Variants in GPR153 observed in about 807,000 individuals in gnomAD.
GPR153 encodes the protein G protein-coupled receptor 153, also known as probable G protein-coupled receptor 153.
A neutral mutation model predicts 34.1 loss-of-function variants in GPR153; 27 were observed. The ratio of observed to expected loss-of-function variants is 0.79; its 90% CI spans 0.58 to 1.09. The LOEUF is 1.09. Ranked by LOEUF, GPR153 falls within the 50% of genes least tolerant of loss-of-function variation. The probability of loss-of-function intolerance (pLI) is 0.00; values close to 1 mark genes in which losing one functional copy is unlikely to be tolerated. For synonymous variants in GPR153, 408 were observed against 405.4 expected, an observed-to-expected ratio of 1.01 and a Z score of -0.08; for missense variants, 848 against 860.2, an observed-to-expected ratio of 0.99 and a Z score of 0.18.
Position 6,251,677 on chromosome 1 carries a change from G to T in GPR153, c.787-147C>A. 1.1e-6 allele frequency: 1 copy of T among 945,674 alleles called. No individual in the cohort carries two copies. Among genetic ancestry groups the T allele is most frequent in the East Asian group, 2.7e-5 (1 of 36,656 alleles). The allele number at this position is 945,674 out of a possible 1,614,324, so 58.6% of individuals were successfully genotyped here. A position where few individuals can be genotyped will look rare whatever the true frequency, so the allele number is the denominator to read the frequency against. ...GGGGCCCTTGGGGAGAAAAGAGCTG[G>T]AGCGTGGCAGTGGGAGGCCCCGCCT... On this transcript the variant is annotated intron_variant, in intron 3 of 5. Coordinates refer to ENST00000377893, the MANE Select transcript of GPR153 (RefSeq NM_207370.4). This position sits in a 1 kb window ranked among gnomAD's most constrained non-coding sequence, Gnocchi z 4.9.
Position 6,249,882 on chromosome 1 carries a change from AGCACCAGGT to A in GPR153, c.1277_1285del (p.His426_Val428del). On this transcript the variant is annotated inframe_deletion, in exon 6 of 6. Coordinates refer to ENST00000377893, the MANE Select transcript of GPR153 (RefSeq NM_207370.4). This position sits in a 1 kb window ranked among gnomAD's most constrained non-coding sequence, Gnocchi z 4.3. ...GCGGCGCCGCTCGGGCCCGGCAGGC[AGCACCAGGT>A]GCGCCAGGGCGGCCAGGTCCTCGCC... 7.7e-7 allele frequency: 1 copy of A among 1,291,292 alleles called. No homozygotes were observed. Among genetic ancestry groups the A allele is most frequent in the Non-Finnish European group, 9.8e-7 (1 of 1,015,690 alleles). 80.0% of individuals were successfully genotyped at this position (1,291,292 alleles called of 1,614,324 possible). A position where few individuals can be genotyped will look rare whatever the true frequency, so the allele number is the denominator to read the frequency against.
chr1:6,251,613 G>A lies in GPR153; in HGVS notation c.787-83C>T. ...CCCCTGAGTCTCGGTCTCCCCATGT[G>A]TACGGCAGGTCTGACAGGTGGGTAT... On this transcript the variant is annotated intron_variant, in intron 3 of 5. Transcript: ENST00000377893. This position sits in a 1 kb window ranked among gnomAD's most constrained non-coding sequence, Gnocchi z 4.9. The A allele has an allele frequency of 7.2e-7, 1 of 1,392,822 alleles. No homozygotes were observed. Among genetic ancestry groups the A allele is most frequent in the Non-Finnish European group, 9.5e-7 (1 of 1,051,204 alleles). The allele number at this position is 1,392,822 out of a possible 1,614,324, so 86.3% of individuals were successfully genotyped here. A position where few individuals can be genotyped will look rare whatever the true frequency, so the allele number is the denominator to read the frequency against.
intron 1 of GPR153, among the ~76,000 whole-genome samples, chr1:6,257,788 G>C (rs1160941387): frequency 6.6e-6 from 1 of 152,238 alleles, no homozygotes; most frequent in African/African-American, 2.4e-5. Flanking sequence ...CTGCCAGAGG[G>C]CTGGGCAGCG....
intron 5 of GPR153, 112 bp from the exon 6 acceptor site, chr1:6,250,115 TG>T: frequency 7.6e-7 from 1 of 1,310,658 alleles, no homozygotes; most frequent in South Asian, 2.7e-5. Flanking sequence ...GGCTGCGCGC[TG>T]GGGCAGTCTG....
Position 6,248,019 on chromosome 1 carries a change from GCT to G in GPR153, c.*1317_*1318del, listed in dbSNP as rs1311363230. ...GCCAGAAGGAACTGGGCACAGGCAG[GCT>G]CTATGCTCACCTTGGAATTACCCCA... On this transcript the variant is annotated 3_prime_UTR_variant, in exon 6 of 6. Coordinates refer to ENST00000377893, the MANE Select transcript of GPR153 (RefSeq NM_207370.4). The G allele has an allele frequency of 6.6e-6, 1 of 152,406 alleles. No individual in the cohort carries two copies. Among genetic ancestry groups the G allele is most frequent in the Non-Finnish European group, 1.5e-5 (1 of 68,184 alleles). The allele number at this position is 152,406 out of a possible 1,614,324, so 9.4% of individuals were successfully genotyped here.
chr1:6,249,950 GA>G lies in GPR153; in HGVS notation c.1217del (p.Val406AlafsTer100). 7.8e-7 allele frequency: 1 copy of G among 1,283,190 alleles called. No homozygotes were observed. Among genetic ancestry groups the G allele is most frequent in the African/African-American group, 1.5e-5 (1 of 64,684 alleles). 79.5% of individuals were successfully genotyped at this position (1,283,190 alleles called of 1,614,324 possible). A position where few individuals can be genotyped will look rare whatever the true frequency, so the allele number is the denominator to read the frequency against. On this transcript the variant is annotated frameshift_variant, in exon 6 of 6. Coordinates refer to ENST00000377893, the MANE Select transcript of GPR153 (RefSeq NM_207370.4). LOFTEE classifies it low-confidence loss of function (END_TRUNC). This position sits in a 1 kb window ranked among gnomAD's most constrained non-coding sequence, Gnocchi z 4.3. ...AGCGCGGCAGGAAGGCGGGCAGCGGGACGGCGGCCCACACGTCCGCATCGTC... is the reference window on the plus strand; with the variant it reads ...AGCGCGGCAGGAAGGCGGGCAGCGGGCGGCGGCCCACACGTCCGCATCGTC... ...SHDDADVWAAVPLPAFLPRWG... is the reference protein window; with the variant it reads ...SHDDADVWAAXPLPAFLPRWG...
chr1:6,259,496 C>CTTTT (rs1421936164), intron 1 of GPR153, among the ~76,000 whole-genome samples: 3 of 92,404 alleles, frequency 3.2e-5, no homozygotes, highest in African/African-American at 1.2e-4. Flanking sequence ...GGGAAAAGGG[C>CTTTT]ATTTTTTTTT....
Position 6,249,176 on chromosome 1 carries a change from C to A in GPR153, c.*162G>T. ...GGCAGCCGTCGCCCCTGGGACAAGG[C>A]CAGCTGGGAGGAGCCGGAAGACAAA... is the stretch of plus-strand genomic sequence containing the variant. On this transcript the variant is annotated 3_prime_UTR_variant, in exon 6 of 6. Transcript: ENST00000377893. The surrounding 1 kb of genome is among the most constrained non-coding windows in gnomAD (Gnocchi z 4.3). The A allele has an allele frequency of 3.9e-6, 2 of 509,406 alleles. No homozygotes were observed. The highest frequency in any genetic ancestry group is 3.0e-6 in the Non-Finnish European group (1 of 330,788). 31.6% of individuals were successfully genotyped at this position (509,406 alleles called of 1,614,324 possible). A position where few individuals can be genotyped will look rare whatever the true frequency, so the allele number is the denominator to read the frequency against.
Position 6,249,957 on chromosome 1 carries a change from G to T in GPR153, c.1211C>A (p.Ala404Asp). 7.8e-7 allele frequency: 1 copy of T among 1,284,130 alleles called. No homozygotes were observed. The highest frequency in any genetic ancestry group is 9.9e-7 in the Non-Finnish European group (1 of 1,010,408). 79.5% of individuals were successfully genotyped at this position (1,284,130 alleles called of 1,614,324 possible). ...RFSHDDADVW[A>D]AVPLPAFLPR... ...CAGGAAGGCGGGCAGCGGGACGGCG[G>T]CCCACACGTCCGCATCGTCGTGGGA... Residue 404 changes from alanine to aspartate, a missense_variant, in exon 6 of 6, where the codon GCC (alanine) becomes GAC (aspartate). Ala to Asp is a moderately radical substitution (Grantham distance 126). Transcript: ENST00000377893. The surrounding 1 kb of genome is among the most constrained non-coding windows in gnomAD (Gnocchi z 4.3).
At chr1:6,258,222 G>C (rs1432226953) in intron 1 of GPR153, among the ~76,000 whole-genome samples, 1 of 151,964 alleles carries the variant, frequency 6.6e-6, no homozygotes, top group Non-Finnish European at 1.5e-5. Context: ...CCGCCTCCTG[G>C]GTTCAAACAA....
chr1:6,250,497 G>GC lies in GPR153; in HGVS notation c.1106dup (p.Leu370ProfsTer101). 1 of 1,610,374 alleles carries GC rather than the reference G, an allele frequency of 6.2e-7. No homozygotes were observed. Among genetic ancestry groups the GC allele is most frequent in the Non-Finnish European group, 8.5e-7 (1 of 1,178,774 alleles). On this transcript the variant is annotated frameshift_variant, in exon 5 of 6. Coordinates refer to ENST00000377893, the MANE Select transcript of GPR153 (RefSeq NM_207370.4). LOFTEE classifies it high-confidence loss of function. Reference sequence around the variant, plus strand: ...GCCGCAGTGGGTAGAGCTGGGGCAGGCCCCCCTCCAGGGCGGAGATCTCAT... The same window carrying GC: ...GCCGCAGTGGGTAGAGCTGGGGCAGGCCCCCCCTCCAGGGCGGAGATCTCAT...
chr1:6,252,592 C>T (rs1027579784), intron 3 of GPR153, among the ~76,000 whole-genome samples: 1 of 152,190 alleles, frequency 6.6e-6, no homozygotes, highest in Non-Finnish European at 1.5e-5. Flanking sequence ...CTGAGCAAGG[C>T]CCTGACTCTG....
At chr1:6,253,587 G>T in intron 3 of GPR153, 131 bp downstream of exon 3, 2 of 874,400 alleles carry the variant, frequency 2.3e-6, no homozygotes, top group Non-Finnish European at 1.7e-6. Flanking sequence ...TTCCAAATCT[G>T]GAAAATGGGG....
Position 6,254,644 on chromosome 1 carries a change from A to T in GPR153, c.262T>A (p.Ser88Thr), listed in dbSNP as rs763933315. Reference sequence around the variant, plus strand: ...GCCAGGGTGAGGGTGTAGAAGGTGGACACGAAGACCTTGCAGAGACCCTCA... The same window carrying T: ...GCCAGGGTGAGGGTGTAGAAGGTGGTCACGAAGACCTTGCAGAGACCCTCA... ...WNEGLCKVFV[S>T]TFYTLTLATC... The change falls in exon 2 of 6, where the codon TCC becomes ACC. Residue 88 changes from serine (S) to threonine (T), a missense_variant. Ser to Thr is a moderately conservative substitution (Grantham distance 58). Coordinates refer to ENST00000377893, the MANE Select transcript of GPR153 (RefSeq NM_207370.4). 1.2e-6 allele frequency: 2 copies of T among 1,613,618 alleles called. No individual in the cohort carries two copies. The highest frequency in any genetic ancestry group is 1.7e-6 in the Non-Finnish European group (2 of 1,179,752).
chr1:6,256,074 C>T (rs994945525), intron 1 of GPR153, among the ~76,000 whole-genome samples: 1 of 152,198 alleles, frequency 6.6e-6, no homozygotes, highest in East Asian at 1.9e-4. Context: ...GGATTACAGG[C>T]GTGAGCCATA....
At position 6,261,048 on chromosome 1, in the gene GPR153, G is replaced by C. The variant is rs1638669372; in HGVS notation, c.-333C>G. ...CCTCCCTCCCCTAGGCGCCGCCGCCGCCGCCGCGCTTCGCTCAGCTCCCGC... is the reference window on the plus strand; with the variant it reads ...CCTCCCTCCCCTAGGCGCCGCCGCCCCCGCCGCGCTTCGCTCAGCTCCCGC... On this transcript the variant is annotated 5_prime_UTR_variant, in exon 1 of 6. Coordinates refer to ENST00000377893, the MANE Select transcript of GPR153 (RefSeq NM_207370.4). The C allele has an allele frequency of 6.8e-6, 1 of 147,614 alleles. No individual in the cohort carries two copies. Among genetic ancestry groups the C allele is most frequent in the Non-Finnish European group, 1.5e-5 (1 of 66,278 alleles). 9.1% of individuals were successfully genotyped at this position (147,614 alleles called of 1,614,324 possible).
At position 6,250,010 on chromosome 1, in the gene GPR153, G is replaced by C; in HGVS notation, c.1165-7C>G. On this transcript the variant is annotated splice_region_variant and splice_polypyrimidine_tract_variant and intron_variant, in intron 5 of 5. Transcript: ENST00000377893. ...AGCGCCGCGTGGGCGGGACCTGTCA[G>C]GACGCGGCTGGCTTTTACCCCGAGC... 1 of 1,257,154 alleles carries C rather than the reference G, an allele frequency of 8.0e-7. No homozygotes were observed. The allele number at this position is 1,257,154 out of a possible 1,614,324, so 77.9% of individuals were successfully genotyped here. A position where few individuals can be genotyped will look rare whatever the true frequency, so the allele number is the denominator to read the frequency against.
At chr1:6,254,169 CAG>C in intron 2 of GPR153, 22 bp from the exon 3 acceptor site, 1 of 1,590,002 alleles carries the variant, frequency 6.3e-7, no homozygotes, top group Non-Finnish European at 8.6e-7. Flanking sequence ...CAGGGTGGAA[CAG>C]AGGGATCTGG....
rs942167590 is a variant in GPR153, at chr1:6,249,991, G to C, written c.1177C>G (p.Arg393Gly). ...TCCGCATCGTCGTGGGAGAAGCGCC[G>C]CGTGGGCGGGACCTGTCAGGACGCG... The part of the protein sequence containing the change: ...KMQYLQVPPT[R>G]RFSHDDADVW... Residue 393 changes from arginine (R) to glycine (G), a missense_variant, in exon 6 of 6, where the codon CGG (arginine) becomes GGG (glycine). Coordinates refer to ENST00000377893, the MANE Select transcript of GPR153 (RefSeq NM_207370.4). The surrounding 1 kb of genome is among the most constrained non-coding windows in gnomAD (Gnocchi z 4.3). 4 of 1,260,826 alleles carry C rather than the reference G, an allele frequency of 3.2e-6. No individual in the cohort carries two copies. Among genetic ancestry groups the C allele is most frequent in the Non-Finnish European group, 4.0e-6 (4 of 996,514 alleles). 78.1% of individuals were successfully genotyped at this position (1,260,826 alleles called of 1,614,324 possible). A position where few individuals can be genotyped will look rare whatever the true frequency, so the allele number is the denominator to read the frequency against.
Sources: allele counts gnomAD v4.1 joint callset (sites outside exome capture counted in the v4.1 genomes callset), GRCh38; gene constraint gnomAD v4.1.1; non-coding constraint Gnocchi (gnomAD v3.1); transcripts MANE v1.5; gene names NCBI Gene and HGNC (gene_info 2026-07-23, HGNC 2026-07-21).